The following MVB12B variants were observed in gnomAD, a reference collection of about 807,000 sequenced individuals.
MVB12B encodes multivesicular body subunit 12B.
Under a neutral mutation model 41.6 loss-of-function variants are expected in MVB12B, and 16 were observed. The ratio of observed to expected loss-of-function variants is 0.38; its 90% CI spans 0.26 to 0.58. The LOEUF is 0.58. MVB12B is among the 20% of genes least tolerant of loss of function. The pLI is 0.62. For missense variants in MVB12B, 274 were observed against 380.2 expected, an observed-to-expected ratio of 0.72 and a Z score of 2.32; for synonymous variants, 133 against 139.7, an observed-to-expected ratio of 0.95 and a Z score of 0.34.
intron 7 of MVB12B, among the ~76,000 whole-genome samples, chr9:126,431,445 G>A (rs1832330116): frequency 6.6e-6 from 1 of 152,182 alleles, no homozygotes; most frequent in African/African-American, 2.4e-5. Flanking sequence ...TGCCTGGGGG[G>A]CTGATTTCTG....
intron 2 of MVB12B, among the ~76,000 whole-genome samples, chr9:126,342,976 G>A (rs1381037069): frequency 6.6e-6 from 1 of 152,182 alleles, no homozygotes; most frequent in Admixed American, 6.5e-5. Context: ...CACAGAGCCC[G>A]TTAAGTACTG....
At chr9:126,466,339 G>A (rs1833197482) in intron 7 of MVB12B, among the ~76,000 whole-genome samples, 1 of 152,172 alleles carries the variant, frequency 6.6e-6, no homozygotes, top group Admixed American at 6.5e-5. Flanking sequence ...CCAAAGCCAG[G>A]GAAGTCTAAC....
At chr9:126,390,297 C>A (rs572546613) in intron 4 of MVB12B, among the ~76,000 whole-genome samples, 23 of 152,346 alleles carry the variant, frequency 1.5e-4, no homozygotes, top group Admixed American at 6.5e-5. Flanking sequence ...ATCCAACCCA[C>A]ATCCCTGTGG....
At chr9:126,405,783 T>A (rs1831402468) in intron 6 of MVB12B, among the ~76,000 whole-genome samples, 1 of 151,620 alleles carries the variant, frequency 6.6e-6, no homozygotes, top group South Asian at 2.1e-4. Flanking sequence ...AATCTGAATA[T>A]CCTTCATGAG....
chr9:126,506,307 G>A lies in MVB12B; in HGVS notation c.*3044G>A, dbSNP rs942298893. ...TCCTTTCATTCCCCCTAAAAACAGA[G>A]TGACCTGGAAGTAGATGTTCTTTGC... On this transcript the variant is annotated 3_prime_UTR_variant, in exon 10 of 10. Transcript: ENST00000361171. 9 of 152,484 alleles carry A rather than the reference G, an allele frequency of 5.9e-5. No homozygotes were observed. Among genetic ancestry groups the A allele is most frequent in the African/African-American group, 2.2e-4 (9 of 41,332 alleles). The allele number at this position is 152,484 out of a possible 1,614,324, so 9.4% of individuals were successfully genotyped here.
intron 1 of MVB12B, chr9:126,335,493 T>C: frequency 1.0e-6 from 1 of 967,998 alleles, no homozygotes; most frequent in Admixed American, 2.3e-5. Flanking sequence ...GGTTCCCTCC[T>C]TGGGGACAGG....
At chr9:126,390,154 G>A (rs1054953580) in intron 4 of MVB12B, among the ~76,000 whole-genome samples, 2 of 152,152 alleles carry the variant, frequency 1.3e-5, no homozygotes, top group African/African-American at 4.8e-5. Flanking sequence ...CCAATACCAA[G>A]CACAGGCATA....
intron 3 of MVB12B, among the ~76,000 whole-genome samples, chr9:126,384,550 A>G (rs1830718563): frequency 6.6e-6 from 1 of 152,186 alleles, no homozygotes; most frequent in Non-Finnish European, 1.5e-5. Flanking sequence ...TATATATGAA[A>G]CGAAGTCTTC....
At chr9:126,355,998 G>C (rs12348513) in intron 2 of MVB12B, among the ~76,000 whole-genome samples, 48,655 of 151,954 alleles carry the variant, frequency 0.32, 8,033 homozygotes, top group South Asian at 0.42. Context: ...GTTGCTATGG[G>C]TTTGCCTATT....
Position 126,504,202 on chromosome 9 carries a change from GTC to G in MVB12B, c.*940_*941del, listed in dbSNP as rs890023825. On this transcript the variant is annotated 3_prime_UTR_variant, in exon 10 of 10. Transcript: ENST00000361171. ...TGACGGGAACAAGTCATTCTGAAAG[GTC>G]CCTCTGACCCAGGTCACCAAATTTG... 13 of 152,392 alleles carry G rather than the reference GTC, an allele frequency of 8.5e-5. No homozygotes were observed. The highest frequency in any genetic ancestry group is 2.6e-4 in the African/African-American group (11 of 41,590). 9.4% of individuals were successfully genotyped at this position (152,392 alleles called of 1,614,324 possible).
chr9:126,421,362 CAT>C (rs1264739474), intron 6 of MVB12B, among the ~76,000 whole-genome samples: 1 of 152,228 alleles, frequency 6.6e-6, no homozygotes, highest in African/African-American at 2.4e-5. Context: ...CTCCTGAACT[CAT>C]ATGGCAATAA....
intron 2 of MVB12B, among the ~76,000 whole-genome samples, chr9:126,380,664 C>A (rs1030713850): frequency 1.3e-5 from 2 of 152,184 alleles, no homozygotes; most frequent in African/African-American, 4.8e-5. Flanking sequence ...TCACCCTCGC[C>A]GCAGGCAGCG....
Position 126,505,689 on chromosome 9 carries a change from T to C in MVB12B, c.*2426T>C, listed in dbSNP as rs1433986944. ...GTGTGTGTGTGTGTGTATATGTGTG[T>C]GTGTGCACGCACATGCGTGTGTATA... On this transcript the variant is annotated 3_prime_UTR_variant, in exon 10 of 10. Coordinates refer to ENST00000361171, the MANE Select transcript of MVB12B (RefSeq NM_033446.3). 1 of 149,298 alleles carries C rather than the reference T, an allele frequency of 6.7e-6. No individual in the cohort carries two copies. Among genetic ancestry groups the C allele is most frequent in the Non-Finnish European group, 1.5e-5 (1 of 66,550 alleles). 9.2% of individuals were successfully genotyped at this position (149,298 alleles called of 1,614,324 possible).
At chr9:126,349,165 G>A (rs1829680963) in intron 2 of MVB12B, among the ~76,000 whole-genome samples, 1 of 152,158 alleles carries the variant, frequency 6.6e-6, no homozygotes, top group African/African-American at 2.4e-5. Flanking sequence ...GATTGATTAA[G>A]TTTGAATAAT....
In MVB12B at chr9:126,429,906, C is replaced by T. The variant is rs531085152; in HGVS notation, c.757+7958C>T. 2.0e-4 allele frequency among the ~76,000 whole-genome samples: 30 copies of T among 152,304 alleles called. 2 individuals carry two copies. In the East Asian group the frequency reaches 5.8e-3, roughly 29 times the overall value. On this transcript the variant is annotated intron_variant, in intron 7 of 9. Coordinates refer to ENST00000361171, the MANE Select transcript of MVB12B (RefSeq NM_033446.3). The stretch of plus-strand genomic sequence containing the variant: ...CTGAGCTGGGCTCTGGGTCATCTTA[C>T]TCCAGATGAAGTCCATGGTCAGGAT...
intron 5 of MVB12B, among the ~76,000 whole-genome samples, chr9:126,393,964 T>A (rs1831032005): frequency 6.6e-6 from 1 of 152,264 alleles, no homozygotes. Flanking sequence ...AGACAGCAGA[T>A]GAGCCCTCGT....
chr9:126,462,501 G>A (rs1233394327), intron 7 of MVB12B, among the ~76,000 whole-genome samples: 2 of 152,172 alleles, frequency 1.3e-5, no homozygotes. Flanking sequence ...GATAATTACA[G>A]CAATTATTAT....
chr9:126,463,480 A>C (rs1833134083), intron 7 of MVB12B, among the ~76,000 whole-genome samples: 3 of 152,190 alleles, frequency 2.0e-5, no homozygotes, highest in Non-Finnish European at 4.4e-5. Context: ...GTTCGAATGC[A>C]CTCAAGTGGT....
At chr9:126,394,047 CT>C (rs1831034951) in intron 5 of MVB12B, among the ~76,000 whole-genome samples, 1 of 152,226 alleles carries the variant, frequency 6.6e-6, no homozygotes, top group Non-Finnish European at 1.5e-5. Context: ...GTGTTCAGCT[CT>C]GGCATCTGAA....
Sources: allele counts gnomAD v4.1 joint callset (sites outside exome capture counted in the v4.1 genomes callset), GRCh38; gene constraint gnomAD v4.1.1; transcripts MANE v1.5; gene names NCBI Gene and HGNC (gene_info 2026-07-23, HGNC 2026-07-21).